The following MXI1 variants were observed in gnomAD, a reference collection of about 807,000 sequenced individuals.
MXI1 encodes the protein max-interacting protein 1.
MXI1 carries 18 observed loss-of-function variants against 36.9 expected under a neutral mutation model. The ratio of observed to expected loss-of-function variants is 0.49; its 90% CI spans 0.34 to 0.72. The LOEUF (loss-of-function observed/expected upper bound fraction) is 0.72. Ranked by LOEUF, MXI1 falls within the 30% of genes least tolerant of loss-of-function variation. The pLI, the probability that MXI1 is intolerant of heterozygous loss-of-function variation, is 0.01. For synonymous variants in MXI1, 160 were observed against 146.7 expected, an observed-to-expected ratio of 1.09 and a Z score of -0.65; for missense variants, 304 against 379.1, an observed-to-expected ratio of 0.80 and a Z score of 1.64.
chr10:110,245,923 AGAT>A (rs930620361), intron 3 of MXI1: 25 of 152,302 alleles, frequency 1.6e-4, no homozygotes, highest in African/African-American at 5.3e-4. Context: ...GTTGAGTCTT[AGAT>A]GATATTACTG....
Position 110,285,902 on chromosome 10 carries a change from A to C in MXI1, c.*915A>C, listed in dbSNP as rs757672550. On this transcript the variant is annotated 3_prime_UTR_variant, in exon 6 of 6. Coordinates refer to ENST00000332674, the MANE Select transcript of MXI1 (RefSeq NM_130439.3). Reference sequence around the variant, plus strand: ...TTATTTCAGATTTTGATAACTGTTTATATGTGTTGAAAACCAAAATGACAT... The same window carrying C: ...TTATTTCAGATTTTGATAACTGTTTCTATGTGTTGAAAACCAAAATGACAT... 1 of 152,600 alleles carries C rather than the reference A, an allele frequency of 6.6e-6. No homozygotes were observed. The highest frequency in any genetic ancestry group is 1.5e-5 in the Non-Finnish European group (1 of 68,032). 9.5% of individuals were successfully genotyped at this position (152,600 alleles called of 1,614,324 possible).
chr10:110,253,296 CA>C, intron 3 of MXI1, among the ~76,000 whole-genome samples: 1 of 151,918 alleles, frequency 6.6e-6, no homozygotes, highest in Admixed American at 6.6e-5. Flanking sequence ...CCCCATTTTA[CA>C]TGGATGTTTT....
chr10:110,225,533 A>C (rs553177410), intron 1 of MXI1, among the ~76,000 whole-genome samples: 40 of 152,266 alleles, frequency 2.6e-4, no homozygotes, highest in African/African-American at 9.4e-4. Flanking sequence ...TACTCTTCTT[A>C]TTTTGCAGAT....
intron 1 of MXI1, 93 bp downstream of exon 1, chr10:110,208,175 C>T (rs1047286712): frequency 4.0e-4 from 537 of 1,332,176 alleles, no homozygotes; most frequent in Non-Finnish European, 5.2e-4. Flanking sequence ...CCCGTCCCCC[C>T]CCCGCCCAAC....
chr10:110,228,223 C>T lies in MXI1; in HGVS notation c.309C>T (p.Ser103=), dbSNP rs757632942. Reference sequence around the variant, plus strand: ...ATGGCTACGCCTCTTCATTCCCGTCCATGCCGAGCCCCCGACTGCAGCATT... The same window carrying T: ...ATGGCTACGCCTCTTCATTCCCGTCTATGCCGAGCCCCCGACTGCAGCATT... The part of the protein sequence containing the change: ...CEHGYASSFP[S]MPSPRLQHSK... Residue 103 remains serine, a synonymous_variant, in exon 2 of 6, where the codon TCC becomes TCT. Coordinates refer to ENST00000332674, the MANE Select transcript of MXI1 (RefSeq NM_130439.3). 1 of 1,614,098 alleles carries T rather than the reference C, an allele frequency of 6.2e-7. No individual in the cohort carries two copies. The highest frequency in any genetic ancestry group is 8.5e-7 in the Non-Finnish European group (1 of 1,180,018).
At chr10:110,225,933 G>C (rs1854949117) in intron 1 of MXI1, 6 of 837,360 alleles carry the variant, frequency 7.2e-6, no homozygotes, top group Non-Finnish European at 8.6e-6. Context: ...GGCAGAGGCA[G>C]GGGCGGGAGG....
At chr10:110,227,515 A>C in intron 1 of MXI1, 1 of 979,258 alleles carries the variant, frequency 1.0e-6, no homozygotes, top group East Asian at 1.2e-4. Flanking sequence ...ACCGTGGAGA[A>C]GCTTGGAGGG....
In MXI1 at chr10:110,251,041, A is replaced by G. The variant is rs900126950; in HGVS notation, c.437+6184A>G. On this transcript the variant is annotated intron_variant, in intron 3 of 5. Transcript: ENST00000332674. ...AAAAAAAAAAAAAAAAAAAAAGAGA[A>G]GGATGTCTAGTGAGTAGTAATAGGT... Among the ~76,000 whole-genome samples the G allele has an allele frequency of 2.4e-5, 3 of 122,626 alleles. No individual in the cohort carries two copies. The South Asian group carries it at 7.6e-4, about 31-fold the overall frequency. The allele number at this position is 122,626 out of a possible 152,430, so 80.4% of individuals were successfully genotyped here.
chr10:110,263,095 G>A (rs560301195), intron 3 of MXI1, among the ~76,000 whole-genome samples: 2 of 152,236 alleles, frequency 1.3e-5, no homozygotes, highest in South Asian at 4.1e-4. Flanking sequence ...AGTACTTAAG[G>A]TGAATTAGTA....
chr10:110,282,009 C>T (rs1476334644), intron 5 of MXI1, among the ~76,000 whole-genome samples: 2 of 152,110 alleles, frequency 1.3e-5, no homozygotes, highest in African/African-American at 4.8e-5. Context: ...TATTTATAAA[C>T]TGTTTTTCTC....
chr10:110,209,595 G>A (rs1854456944), intron 1 of MXI1, among the ~76,000 whole-genome samples: 1 of 152,214 alleles, frequency 6.6e-6, no homozygotes, highest in African/African-American at 2.4e-5. Flanking sequence ...GAGTGCCTGG[G>A]TTGCGAGAAA....
intron 3 of MXI1, among the ~76,000 whole-genome samples, chr10:110,256,552 GAC>G (rs2134419055): frequency 8.1e-6 from 1 of 122,722 alleles, no homozygotes; most frequent in East Asian, 2.5e-4. Flanking sequence ...GCAGTGAGCT[GAC>G]ATTGTGCCAC....
intron 3 of MXI1, 64 bp from the exon 4 acceptor site, chr10:110,279,116 A>C: frequency 1.7e-6 from 2 of 1,209,362 alleles, no homozygotes; most frequent in Non-Finnish European, 2.4e-6. Context: ...ATCTTAAAAT[A>C]GGTTTTATGA....
At chr10:110,237,786 CTG>C (rs1389570818) in intron 2 of MXI1, among the ~76,000 whole-genome samples, 2 of 152,154 alleles carry the variant, frequency 1.3e-5, no homozygotes, top group Admixed American at 1.3e-4. Context: ...TACACTTTGT[CTG>C]TGTTTAGAGA....
At position 110,207,821 on chromosome 10, in the gene MXI1, G is replaced by T; in HGVS notation, c.13G>T (p.Gly5Trp). ...CCCCCGCTCCTCCATGGGCAAACGC[G>T]GGCGGCCGCGCAAGGAGGCGCGCTG... is the stretch of plus-strand genomic sequence containing the variant. MGKR[G>W]RPRKEARCEG... is the part of the protein sequence containing the mutation. Residue 5 changes from glycine (G) to tryptophan (W), a missense_variant, in exon 1 of 6, where the codon GGG becomes TGG. Around this residue, in one of 2 missense-constraint regions of MXI1, gnomAD observed 179 missense variants for 184.8 expected, o/e 0.97. Transcript: ENST00000332674. The T allele has an allele frequency of 8.9e-7, 1 of 1,118,726 alleles. No homozygotes were observed. Among genetic ancestry groups the T allele is most frequent in the Non-Finnish European group, 1.1e-6 (1 of 915,862 alleles). 69.3% of individuals were successfully genotyped at this position (1,118,726 alleles called of 1,614,324 possible).
intron 1 of MXI1, among the ~76,000 whole-genome samples, chr10:110,211,419 T>A (rs563552590): frequency 1.3e-4 from 20 of 152,306 alleles, no homozygotes; most frequent in African/African-American, 4.8e-4. Context: ...TCCAGTCTCT[T>A]CTTAAAGGGA....
intron 3 of MXI1, among the ~76,000 whole-genome samples, chr10:110,253,031 G>A (rs935735791): frequency 1.7e-4 from 26 of 152,024 alleles, no homozygotes; most frequent in African/African-American, 6.0e-4. Context: ...ATAAGGATAG[G>A]TAATTTTATA....
chr10:110,274,824 A>G (rs914959957), intron 3 of MXI1, among the ~76,000 whole-genome samples: 1 of 152,028 alleles, frequency 6.6e-6, no homozygotes, highest in African/African-American at 2.4e-5. Context: ...GGAGACTTGA[A>G]AAACATCATC....
intron 1 of MXI1, among the ~76,000 whole-genome samples, chr10:110,218,020 A>G (rs570903050): frequency 6.6e-6 from 1 of 152,348 alleles, no homozygotes; most frequent in South Asian, 2.1e-4. Context: ...TAGCTTTAGC[A>G]AGACTAACTT....
Sources: gnomAD v4.1 joint callset for allele counts (sites outside exome capture counted in the v4.1 genomes callset) on GRCh38, gnomAD v4.1.1 for gene constraint, gnomAD v4.1.1 regional missense constraint, MANE v1.5 for transcripts, NCBI Gene and HGNC (gene_info 2026-07-23, HGNC 2026-07-21) for gene names.